The following NOS1 variants were observed in gnomAD, a reference collection of about 807,000 sequenced individuals.
NOS1 encodes the protein NOS type I.
Under a neutral mutation model 164.5 loss-of-function variants are expected in NOS1, and 51 were observed. The observed-to-expected ratio is 0.31, with a 90% CI of 0.25 to 0.39. NOS1 has a LOEUF of 0.39. NOS1 is among the 10% of genes least tolerant of loss of function. The pLI is 1.00. For synonymous variants in NOS1, 719 were observed against 745.8 expected (o/e 0.96, Z 0.59); for missense variants, 1,362 against 1,885.6 (o/e 0.72, Z 5.14).
At chr12:117,261,999 C>T (rs1216061371) in intron 13 of NOS1, among the ~76,000 whole-genome samples, 1 of 152,172 alleles carries the variant, frequency 6.6e-6, no homozygotes, top group African/African-American at 2.4e-5. Flanking sequence ...CCTTAACAAG[C>T]CTCCCTGTTG....
intron 1 of NOS1, among the ~76,000 whole-genome samples, chr12:117,344,041 T>C (rs564515031): frequency 6.6e-6 from 1 of 152,166 alleles, no homozygotes; most frequent in Non-Finnish European, 1.5e-5. Flanking sequence ...ATAAATGCAA[T>C]TGGGTCAAAC....
At position 117,220,242 on chromosome 12, in the gene NOS1, G is replaced by A. The variant is rs2135923924; in HGVS notation, c.4003C>T (p.Gln1335Ter). Residue 1335 changes from glutamine (Q) to a stop codon, truncating the protein, a stop_gained, in exon 27 of 29, where the codon CAG becomes TAG. Transcript: ENST00000317775. LOFTEE classifies it high-confidence loss of function. The stretch of plus-strand genomic sequence containing the variant: ...GCTCGGTACACAGACTCCGCCAGCT[G>A]CTCCTGCAGGATGTCCTGCACGTAC... ...KKYVQDILQE[Q>*]LAESVYRALK... 1 of 1,611,434 alleles carries A rather than the reference G, an allele frequency of 6.2e-7. No homozygotes were observed. The highest frequency in any genetic ancestry group is 1.3e-5 in the African/African-American group (1 of 75,044).
At chr12:117,358,641 TAACAGAA>T (rs1410323271) in intron 1 of NOS1, among the ~76,000 whole-genome samples, 1 of 152,170 alleles carries the variant, frequency 6.6e-6, no homozygotes, top group Non-Finnish European at 1.5e-5. Flanking sequence ...ATTTTACAGA[TAACAGAA>T]CTGAAGCTCA....
Position 117,212,545 on chromosome 12 carries a change from G to A in NOS1, c.*2764C>T, listed in dbSNP as rs181477006. ...TGATGGCAGGTGAGCATGATGTTCCGGTGTTCCTATTTCAGGAGACGTCTC... is the reference window on the plus strand; with the variant it reads ...TGATGGCAGGTGAGCATGATGTTCCAGTGTTCCTATTTCAGGAGACGTCTC... On this transcript the variant is annotated 3_prime_UTR_variant, in exon 29 of 29. Coordinates refer to ENST00000317775, the MANE Select transcript of NOS1 (RefSeq NM_000620.5). 9.2e-5 allele frequency: 91 copies of A among 985,276 alleles called. No individual in the cohort carries two copies. The highest frequency in any genetic ancestry group is 2.3e-4 in the East Asian group (2 of 8,824). The allele number at this position is 985,276 out of a possible 1,614,324, so 61.0% of individuals were successfully genotyped here.
At chr12:117,268,665 C>T (rs555586054) in intron 10 of NOS1, among the ~76,000 whole-genome samples, 2 of 149,934 alleles carry the variant, frequency 1.3e-5, no homozygotes, top group East Asian at 3.9e-4. Context: ...TCTTGGCTCA[C>T]TGCAAGCTCC....
chr12:117,327,583 C>A (rs761729518), intron 2 of NOS1, among the ~76,000 whole-genome samples: 16 of 152,166 alleles, frequency 1.1e-4, no homozygotes, highest in Admixed American at 5.9e-4. Context: ...TCTCCCCCAG[C>A]CAGCAGAATC....
chr12:117,319,499 A>G (rs1190226207), intron 2 of NOS1, among the ~76,000 whole-genome samples: 1 of 152,214 alleles, frequency 6.6e-6, no homozygotes, highest in African/African-American at 2.4e-5. Context: ...TCTGCAGAAG[A>G]CAGGCTAGTG....
chr12:117,302,977 C>T (rs1170129502), intron 3 of NOS1, among the ~76,000 whole-genome samples: 1 of 152,172 alleles, frequency 6.6e-6, no homozygotes, highest in Non-Finnish European at 1.5e-5. Context: ...AACTCCTGAT[C>T]TCAAGTGATC....
rs796543144 is a variant in NOS1 at position 117,243,734 on chromosome 12, T to TTCCA, written c.2824-303_2824-300dup. 8.0e-5 allele frequency among the ~76,000 whole-genome samples: 12 copies of TTCCA among 149,272 alleles called. No homozygotes were observed. The highest frequency in any genetic ancestry group is 2.0e-4 in the Admixed American group (3 of 14,994). ...CACCCTCCCATCCATGTATCTATCT[T>TTCCA]TCCATCCATCCATCCATCCACCCAT... On this transcript the variant is annotated intron_variant, in intron 18 of 28. Transcript: ENST00000317775. The surrounding 1 kb of genome is among the most constrained non-coding windows in gnomAD (Gnocchi z 4.3).
Position 117,212,233 on chromosome 12 carries a change from G to C in NOS1, c.*3076C>G. 1.0e-6 allele frequency: 1 copy of C among 985,338 alleles called. No individual in the cohort carries two copies. Among genetic ancestry groups the C allele is most frequent in the Non-Finnish European group, 1.2e-6 (1 of 829,910 alleles). 61.0% of individuals were successfully genotyped at this position (985,338 alleles called of 1,614,324 possible). On this transcript the variant is annotated 3_prime_UTR_variant, in exon 29 of 29. Transcript: ENST00000317775. The stretch of plus-strand genomic sequence containing the variant: ...CAGGTACTGTAACTGGGCATTTCGT[G>C]GGCATTGTCTCATTCAATCCACCTT...
intron 13 of NOS1, among the ~76,000 whole-genome samples, chr12:117,262,993 C>T (rs928061693): frequency 5.3e-5 from 8 of 152,134 alleles, no homozygotes; most frequent in South Asian, 2.1e-4. Context: ...TCCCAAACTC[C>T]GTGAACCATT....
chr12:117,270,451 T>C (rs997809898), intron 10 of NOS1, among the ~76,000 whole-genome samples: 7 of 152,166 alleles, frequency 4.6e-5, no homozygotes, highest in Admixed American at 3.3e-4. Context: ...TAGTTTCTGC[T>C]TGGGGTCTCT....
intron 17 of NOS1, among the ~76,000 whole-genome samples, chr12:117,249,802 G>A (rs1006605690): frequency 7.9e-5 from 12 of 152,080 alleles, no homozygotes; most frequent in Admixed American, 4.6e-4. Context: ...GTCCTAGATG[G>A]CTCCTGTAGG....
intron 7 of NOS1, among the ~76,000 whole-genome samples, chr12:117,282,604 A>T (rs1422796687): frequency 6.6e-6 from 1 of 152,150 alleles, no homozygotes; most frequent in Non-Finnish European, 1.5e-5. Context: ...GTAGCATGTA[A>T]TTCTGCTGGG....
chr12:117,226,182 A>G (rs1285033543), intron 24 of NOS1, among the ~76,000 whole-genome samples: 2 of 152,340 alleles, frequency 1.3e-5, no homozygotes, highest in Middle Eastern at 6.8e-3. Flanking sequence ...GGCCAAAGTC[A>G]CTGTTCAGGT....
intron 17 of NOS1, among the ~76,000 whole-genome samples, chr12:117,250,183 T>C (rs1003343629): frequency 6.6e-6 from 1 of 152,080 alleles, no homozygotes; most frequent in Non-Finnish European, 1.5e-5. Context: ...AGGTGTAAGT[T>C]AATGTAGGTT....
At chr12:117,249,895 G>C (rs913087825) in intron 17 of NOS1, among the ~76,000 whole-genome samples, 7 of 152,108 alleles carry the variant, frequency 4.6e-5, no homozygotes, top group African/African-American at 1.7e-4. Flanking sequence ...ACAGGGACAG[G>C]AACAACAGCT....
intron 1 of NOS1, among the ~76,000 whole-genome samples, chr12:117,355,239 G>C (rs1218645572): frequency 1.3e-5 from 2 of 152,174 alleles, no homozygotes; most frequent in African/African-American, 2.4e-5. Flanking sequence ...ACAAATAAGA[G>C]GTGGGAAATG....
At chr12:117,359,163 C>A (rs1876997288) in intron 1 of NOS1, among the ~76,000 whole-genome samples, 1 of 151,730 alleles carries the variant, frequency 6.6e-6, no homozygotes, top group Non-Finnish European at 1.5e-5. Flanking sequence ...CCCCTCAGGG[C>A]GCTTCTGAAA....
Sources: gnomAD v4.1 joint callset for allele counts (sites outside exome capture counted in the v4.1 genomes callset) on GRCh38, gnomAD v4.1.1 for gene constraint, Gnocchi (gnomAD v3.1) non-coding constraint, MANE v1.5 for transcripts, NCBI Gene and HGNC (gene_info 2026-07-23, HGNC 2026-07-21) for gene names.